The following SIPA1L1 variants were observed in gnomAD, a reference collection of about 807,000 sequenced individuals.
SIPA1L1 encodes signal-induced proliferation-associated 1-like protein 1.
In SIPA1L1, 26 loss-of-function variants were observed where a neutral mutation model predicts 162.7. That is an observed-to-expected ratio of 0.16 (90% CI 0.12 to 0.22). SIPA1L1 has a LOEUF of 0.22. SIPA1L1 is among the 10% of genes least tolerant of loss of function. The pLI is 1.00. For synonymous variants in SIPA1L1, 829 were observed against 837.4 expected (o/e 0.99, Z 0.17); for missense variants, 1,874 against 2,241.0 (o/e 0.84, Z 3.31).
At position 71,483,306 on chromosome 14, in the gene SIPA1L1, G is replaced by A. The variant is rs1389622908; in HGVS notation, c.-464-29437G>A. On this transcript the variant is annotated intron_variant, in intron 2 of 23. Coordinates refer to ENST00000381232, the MANE Select transcript of SIPA1L1 (RefSeq NM_001386936.1). ...GAGGCATTTGAGCATGAAACTAGTG[G>A]GGAACGTGCTCTGTGGTATTTTAGG... Among the ~76,000 whole-genome samples, 5 of 152,156 alleles carry A rather than the reference G, an allele frequency of 3.3e-5. 1 individual carries two copies. Among genetic ancestry groups the A allele is most frequent in the African/African-American group, 1.2e-4 (5 of 41,440 alleles).
intron 20 of SIPA1L1, among the ~76,000 whole-genome samples, chr14:71,733,451 A>G (rs1163469242): frequency 6.6e-6 from 1 of 152,146 alleles, no homozygotes; most frequent in African/African-American, 2.4e-5. Context: ...GCTGGAAGGG[A>G]GATGATGGGA....
Position 71,572,462 on chromosome 14 carries a change from G to A in SIPA1L1, c.-302-15109G>A, listed in dbSNP as rs117014890. Among the ~76,000 whole-genome samples the A allele has an allele frequency of 3.5e-4, 54 of 152,340 alleles. No homozygotes were observed. In the East Asian group the frequency reaches 9.8e-3, roughly 28 times the overall value. On this transcript the variant is annotated intron_variant, in intron 4 of 23. Coordinates refer to ENST00000381232, the MANE Select transcript of SIPA1L1 (RefSeq NM_001386936.1). Reference sequence around the variant, plus strand: ...CTTAGGCAGTTACTAAATGAAGAAGGTAGTGGTCCATCCAGGTGAGGGAGT... The same window carrying A: ...CTTAGGCAGTTACTAAATGAAGAAGATAGTGGTCCATCCAGGTGAGGGAGT...
chr14:71,713,771 C>T (rs955314426), intron 17 of SIPA1L1, among the ~76,000 whole-genome samples: 2 of 152,208 alleles, frequency 1.3e-5, no homozygotes, highest in African/African-American at 2.4e-5. Flanking sequence ...CCTGCACCCT[C>T]ATTGGCATCC....
intron 4 of SIPA1L1, among the ~76,000 whole-genome samples, chr14:71,541,564 C>A (rs1422255055): frequency 6.6e-6 from 1 of 152,100 alleles, no homozygotes; most frequent in Non-Finnish European, 1.5e-5. Flanking sequence ...GAGTTTGAGA[C>A]CACCCTGGGT....
intron 2 of SIPA1L1, among the ~76,000 whole-genome samples, chr14:71,490,879 G>A (rs1196718028): frequency 6.6e-6 from 1 of 152,012 alleles, no homozygotes; most frequent in Non-Finnish European, 1.5e-5. Flanking sequence ...ACCTGATATC[G>A]TACATACATC....
Position 71,705,337 on chromosome 14 carries a change from G to A in SIPA1L1, c.3762G>A (p.Gly1254=), listed in dbSNP as rs142810906. The change falls in exon 16 of 24, where the codon GGG becomes GGA. Residue 1254 remains glycine, a synonymous_variant. Transcript: ENST00000381232. ...PVVHLSPNKQ[G]HSDSHYSSHS... Reference sequence around the variant, plus strand: ...TTCATTTGTCTCCAAACAAACAAGGGCATGTAAGTTAACTGTAAACTTAAA... The same window carrying A: ...TTCATTTGTCTCCAAACAAACAAGGACATGTAAGTTAACTGTAAACTTAAA... 4.4e-6 allele frequency: 7 copies of A among 1,607,378 alleles called. No homozygotes were observed. The African/African-American group carries it at 8.0e-5, about 18-fold the overall frequency.
At chr14:71,629,818 T>C (rs1303368698) in intron 7 of SIPA1L1, among the ~76,000 whole-genome samples, 1 of 152,260 alleles carries the variant, frequency 6.6e-6, no homozygotes, top group African/African-American at 2.4e-5. Flanking sequence ...AGTGATCATA[T>C]TTAATTTAAC....
chr14:71,394,834 A>G (rs2041052932), intron 2 of SIPA1L1, among the ~76,000 whole-genome samples: 1 of 152,266 alleles, frequency 6.6e-6, no homozygotes, highest in South Asian at 2.1e-4. Context: ...AAGGAGAAGG[A>G]TAGTTAAAAT....
At chr14:71,721,636 T>TAGCA (rs1327381327) in intron 17 of SIPA1L1, among the ~76,000 whole-genome samples, 3 of 152,250 alleles carry the variant, frequency 2.0e-5, no homozygotes, top group African/African-American at 7.2e-5. Flanking sequence ...GATGAGCTGC[T>TAGCA]ACTCAGGTTG....
intron 12 of SIPA1L1, among the ~76,000 whole-genome samples, chr14:71,675,006 G>T (rs2044984198): frequency 1.3e-5 from 2 of 152,240 alleles, no homozygotes; most frequent in African/African-American, 4.8e-5. Flanking sequence ...TTATACACTA[G>T]AATCAGCAGT....
intron 4 of SIPA1L1, chr14:71,573,882 TG>T (rs1296436629): frequency 1.2e-5 from 4 of 347,142 alleles, no homozygotes; most frequent in Admixed American, 8.1e-5. Flanking sequence ...GAACAGTAGA[TG>T]GGCCTTTTCT....
intron 2 of SIPA1L1, among the ~76,000 whole-genome samples, chr14:71,458,555 A>G (rs2046350838): frequency 6.6e-6 from 1 of 152,192 alleles, no homozygotes; most frequent in Non-Finnish European, 1.5e-5. Flanking sequence ...TTTGGTGTGC[A>G]TATATTTTAT....
intron 2 of SIPA1L1, among the ~76,000 whole-genome samples, chr14:71,337,960 G>A (rs148417596): frequency 1.3e-4 from 20 of 152,178 alleles, no homozygotes; most frequent in Non-Finnish European, 2.4e-4. Context: ...AAAGAAAAAT[G>A]TATGTGAAAT....
At chr14:71,435,348 C>T (rs2044293685) in intron 2 of SIPA1L1, among the ~76,000 whole-genome samples, 1 of 152,006 alleles carries the variant, frequency 6.6e-6, no homozygotes, top group Non-Finnish European at 1.5e-5. Context: ...ACGACAGGCC[C>T]CGGTGTGTGA....
chr14:71,349,880 A>G (rs1377685733), intron 2 of SIPA1L1, among the ~76,000 whole-genome samples: 1 of 152,182 alleles, frequency 6.6e-6, no homozygotes, highest in East Asian at 1.9e-4. Flanking sequence ...CCCCAAATAT[A>G]GGCAGAGTGC....
At chr14:71,734,482 A>G (rs1895856839) in intron 21 of SIPA1L1, among the ~76,000 whole-genome samples, 1 of 152,030 alleles carries the variant, frequency 6.6e-6, no homozygotes, top group African/African-American at 2.4e-5. Context: ...TAAAATTTTT[A>G]TTATTCTTTA....
At chr14:71,498,453 A>G (rs767252499) in intron 2 of SIPA1L1, among the ~76,000 whole-genome samples, 5 of 152,212 alleles carry the variant, frequency 3.3e-5, no homozygotes, top group Non-Finnish European at 7.3e-5. Context: ...TGTTTGAAAA[A>G]AAATAGTGAA....
At chr14:71,663,381 T>C (rs1329673964) in intron 10 of SIPA1L1, among the ~76,000 whole-genome samples, 3 of 152,214 alleles carry the variant, frequency 2.0e-5, no homozygotes, top group Admixed American at 2.0e-4. Context: ...TATATTTAGA[T>C]TTCATAAAAT....
intron 16 of SIPA1L1, among the ~76,000 whole-genome samples, chr14:71,708,221 T>G (rs1939596138): frequency 6.6e-6 from 1 of 151,952 alleles, no homozygotes. Context: ...CACATATGTT[T>G]TCTTGTAAGA....
Sources: allele counts gnomAD v4.1 joint callset (sites outside exome capture counted in the v4.1 genomes callset), GRCh38; gene constraint gnomAD v4.1.1; transcripts MANE v1.5; gene names NCBI Gene and HGNC (gene_info 2026-07-23, HGNC 2026-07-21).